GNAQ: variants seen among roughly 807,000 people sequenced by gnomAD.
GNAQ encodes guanine nucleotide-binding protein G(q) subunit alpha.
In GNAQ, 8 loss-of-function variants were observed where a neutral mutation model predicts 43.9. The ratio of observed to expected loss-of-function variants is 0.18; its 90% CI spans 0.11 to 0.33. The LOEUF is 0.33. Ranked by LOEUF, GNAQ falls within the 10% of genes least tolerant of loss-of-function variation. The probability of loss-of-function intolerance (pLI) is 1.00; values close to 1 mark genes in which losing one functional copy is unlikely to be tolerated. For synonymous variants in GNAQ, 155 were observed against 170.7 expected (o/e 0.91, Z 0.71); for missense variants, 158 against 450.8 (o/e 0.35, Z 5.88).
At chr9:77,970,410 C>T (rs968279859) in intron 1 of GNAQ, among the ~76,000 whole-genome samples, 4 of 152,146 alleles carry the variant, frequency 2.6e-5, no homozygotes, top group African/African-American at 7.2e-5. Flanking sequence ...ACTGCACACA[C>T]ACATCAGGAA....
intron 1 of GNAQ, among the ~76,000 whole-genome samples, chr9:77,963,076 G>A (rs574125244): frequency 7.2e-5 from 11 of 152,124 alleles, no homozygotes; most frequent in Middle Eastern, 3.4e-3. Flanking sequence ...AGAACAACAC[G>A]AATTCTGCTA....
chr9:77,969,531 G>C (rs771679505), intron 1 of GNAQ, among the ~76,000 whole-genome samples: 4 of 152,188 alleles, frequency 2.6e-5, no homozygotes, highest in African/African-American at 4.8e-5. Context: ...TGATGGAAGA[G>C]AGGTTACATT....
At chr9:77,971,167 C>T (rs753888811) in intron 1 of GNAQ, among the ~76,000 whole-genome samples, 22 of 152,090 alleles carry the variant, frequency 1.4e-4, no homozygotes, top group Non-Finnish European at 2.9e-4. Flanking sequence ...AGTCTAGGAC[C>T]AGACGGATTC....
chr9:77,795,324 A>G (rs1270635596), intron 4 of GNAQ, among the ~76,000 whole-genome samples: 1 of 152,164 alleles, frequency 6.6e-6, no homozygotes. Flanking sequence ...TCAGAAACCA[A>G]CACTGACATC....
chr9:77,902,802 A>C (rs971327660), intron 2 of GNAQ, among the ~76,000 whole-genome samples: 4 of 152,168 alleles, frequency 2.6e-5, no homozygotes, highest in Admixed American at 1.3e-4. Context: ...AGAGTGTGCA[A>C]CTGCTTCCCA....
chr9:77,983,237 A>G (rs886136049), intron 1 of GNAQ, among the ~76,000 whole-genome samples: 1 of 152,206 alleles, frequency 6.6e-6, no homozygotes, highest in Non-Finnish European at 1.5e-5. Context: ...TTTACATAGT[A>G]TGTATCTGTG....
At chr9:77,897,555 G>A (rs1324637796) in intron 2 of GNAQ, among the ~76,000 whole-genome samples, 2 of 152,166 alleles carry the variant, frequency 1.3e-5, no homozygotes, top group Non-Finnish European at 2.9e-5. Flanking sequence ...GCCCTCAGCC[G>A]GCTTGCCCTT....
chr9:77,907,532 C>G (rs960559187), intron 2 of GNAQ, among the ~76,000 whole-genome samples: 1 of 152,202 alleles, frequency 6.6e-6, no homozygotes, highest in Non-Finnish European at 1.5e-5. Context: ...ATGTCTTACA[C>G]TTCCTCTGGC....
intron 1 of GNAQ, among the ~76,000 whole-genome samples, chr9:77,986,699 G>T (rs1196781981): frequency 6.6e-6 from 1 of 151,672 alleles, no homozygotes; most frequent in Admixed American, 6.6e-5. Flanking sequence ...AGAGATGAGG[G>T]TCTCACTATG....
intron 5 of GNAQ, among the ~76,000 whole-genome samples, chr9:77,779,896 A>T (rs1030083369): frequency 6.6e-6 from 1 of 151,968 alleles, no homozygotes; most frequent in African/African-American, 2.4e-5. Flanking sequence ...GAATAGGCCT[A>T]TATTCAGTAA....
chr9:77,957,154 G>T (rs997752580), intron 1 of GNAQ, among the ~76,000 whole-genome samples: 1 of 151,982 alleles, frequency 6.6e-6, no homozygotes, highest in Non-Finnish European at 1.5e-5. Context: ...TCAGAAATTC[G>T]AGACCAGTCT....
intron 3 of GNAQ, among the ~76,000 whole-genome samples, chr9:77,798,327 T>TGA (rs1469285136): frequency 6.6e-6 from 1 of 152,182 alleles, no homozygotes. Context: ...GAATTTTTCT[T>TGA]TTGAAATAAC....
chr9:77,874,028 C>T (rs948553352), intron 2 of GNAQ, among the ~76,000 whole-genome samples: 3 of 150,360 alleles, frequency 2.0e-5, no homozygotes, highest in African/African-American at 7.4e-5. Context: ...TCACTTGAAC[C>T]TGGGAGGTAG....
chr9:77,856,065 C>T (rs1195049024), intron 2 of GNAQ, among the ~76,000 whole-genome samples: 3 of 152,162 alleles, frequency 2.0e-5, no homozygotes, highest in Admixed American at 2.0e-4. Context: ...TAATAATCTA[C>T]ACATCATTTA....
chr9:77,770,700 G>A lies in GNAQ; in HGVS notation c.735+23763C>T, dbSNP rs146850913. ...TTAACCAGTCCCAGAGCAAGAACTC[G>A]GGCAAGAACTTGCTATTCAGTGGGA... On this transcript the variant is annotated intron_variant, in intron 5 of 6. Transcript: ENST00000286548. Among the ~76,000 whole-genome samples, 574 of 152,200 alleles carry A rather than the reference G, an allele frequency of 3.8e-3. 2 individuals are homozygous for A. Among genetic ancestry groups the A allele is most frequent in the African/African-American group, 0.013 (521 of 41,534 alleles).
intron 1 of GNAQ, among the ~76,000 whole-genome samples, chr9:78,006,317 AAAG>A (rs995615511): frequency 4.6e-5 from 7 of 152,332 alleles, no homozygotes; most frequent in Admixed American, 2.0e-4. Flanking sequence ...TGTCAATAAA[AAAG>A]AAGTATACTG....
intron 6 of GNAQ, among the ~76,000 whole-genome samples, chr9:77,723,828 A>G (rs1394321211): frequency 6.6e-6 from 1 of 152,152 alleles, no homozygotes; most frequent in Non-Finnish European, 1.5e-5. Context: ...TGGTGAAAAT[A>G]TTTTGAAAAT....
Position 77,889,410 on chromosome 9 carries a change from CAAAAAAAAAAAAAAAAAAA to C in GNAQ, c.321+32732_321+32750del, listed in dbSNP as rs58496646. ...TGGGCGACAAAGCCAGACCCTGTCT[CAAAAAAAAAAAAAAAAAAA>C]AAAAAAAAAAAAAAAAAAATCCTTA... On this transcript the variant is annotated intron_variant, in intron 2 of 6. Coordinates refer to ENST00000286548, the MANE Select transcript of GNAQ (RefSeq NM_002072.5). Among the ~76,000 whole-genome samples the C allele has an allele frequency of 7.4e-3, 356 of 48,074 alleles. 1 individual carries two copies. The highest frequency in any genetic ancestry group is 0.024 in the African/African-American group (275 of 11,430). The allele number at this position is 48,074 out of a possible 152,430, so 31.5% of individuals were successfully genotyped here. A position where few individuals can be genotyped will look rare whatever the true frequency, so the allele number is the denominator to read the frequency against.
Position 77,876,363 on chromosome 9 carries a change from T to G in GNAQ, c.321+45798A>C, listed in dbSNP as rs147346642. Among the ~76,000 whole-genome samples, 1,241 of 152,324 alleles carry G rather than the reference T, an allele frequency of 8.1e-3. 10 individuals carry two copies. Among genetic ancestry groups the G allele is most frequent in the Non-Finnish European group, 0.013 (872 of 68,018 alleles). ...AACTTTCTAGCTCCAACTGCATCCC[T>G]GTCTGGGGGAGTTTAGGCAAGCTGC... On this transcript the variant is annotated intron_variant, in intron 2 of 6. Transcript: ENST00000286548.
Sources: allele counts gnomAD v4.1 joint callset (sites outside exome capture counted in the v4.1 genomes callset), GRCh38; gene constraint gnomAD v4.1.1; transcripts MANE v1.5; gene names NCBI Gene and HGNC (gene_info 2026-07-23, HGNC 2026-07-21).